NXN: variants seen among roughly 807,000 people sequenced by gnomAD.
The protein encoded by NXN is nucleoredoxin.
In NXN, 16 loss-of-function variants were observed where a neutral mutation model predicts 48.6. The observed-to-expected ratio is 0.33, with a 90% CI of 0.22 to 0.50. The LOEUF (loss-of-function observed/expected upper bound fraction) is 0.50. Among genes scored for constraint, NXN ranks in the 20% least tolerant of loss-of-function variants. The pLI, the probability that NXN is intolerant of heterozygous loss-of-function variation, is 0.98. For synonymous variants in NXN, 281 were observed against 269.6 expected (o/e 1.04, Z -0.41); for missense variants, 492 against 605.5 (o/e 0.81, Z 1.97).
At chr17:953,071 C>G (rs2069130554) in intron 1 of NXN, among the ~76,000 whole-genome samples, 1 of 152,142 alleles carries the variant, frequency 6.6e-6, no homozygotes. Context: ...GTGAGGGGCT[C>G]AGTCCACAGA....
intron 1 of NXN, among the ~76,000 whole-genome samples, chr17:939,079 C>A (rs574307943): frequency 5.3e-5 from 8 of 151,788 alleles, no homozygotes; most frequent in Admixed American, 2.0e-4. Context: ...AAGAAAAGAA[C>A]AAATGAAAGG....
At chr17:891,498 C>G (rs1357092101) in intron 1 of NXN, among the ~76,000 whole-genome samples, 2 of 152,224 alleles carry the variant, frequency 1.3e-5, no homozygotes, top group African/African-American at 4.8e-5. Flanking sequence ...CCAGAGAACA[C>G]TGAGGATATC....
chr17:879,702 G>A (rs2068263072), intron 1 of NXN, among the ~76,000 whole-genome samples: 1 of 152,164 alleles, frequency 6.6e-6, no homozygotes, highest in Admixed American at 6.5e-5. Context: ...GGAACCCGCT[G>A]GGGTTTGGCG....
At chr17:843,330 G>A (rs182686525) in intron 1 of NXN, among the ~76,000 whole-genome samples, 15 of 152,352 alleles carry the variant, frequency 9.8e-5, no homozygotes, top group African/African-American at 3.4e-4. Flanking sequence ...TGCCCTCATG[G>A]CTCCGCGAGC....
chr17:837,797 G>A (rs867253405), intron 1 of NXN, among the ~76,000 whole-genome samples: 30 of 152,168 alleles, frequency 2.0e-4, no homozygotes, highest in African/African-American at 1.9e-4. Flanking sequence ...CCGGGGGTCC[G>A]GGCCAGGCTG....
chr17:861,981 C>A (rs1167847570), intron 1 of NXN, among the ~76,000 whole-genome samples: 2 of 152,076 alleles, frequency 1.3e-5, no homozygotes, highest in Admixed American at 6.6e-5. Flanking sequence ...AGGCATGAAC[C>A]ACCATACTTG....
intron 1 of NXN, among the ~76,000 whole-genome samples, chr17:844,692 C>G (rs2144727250): frequency 6.6e-6 from 1 of 152,150 alleles, no homozygotes; most frequent in South Asian, 2.1e-4. Flanking sequence ...TCAAGCGATT[C>G]TCCTGCCTCA....
chr17:816,612 T>A (rs80186192), intron 5 of NXN, among the ~76,000 whole-genome samples: 3,448 of 152,112 alleles, frequency 0.023, 42 homozygotes, highest in Middle Eastern at 0.092. Context: ...GCACTCACAG[T>A]TCAACTGACA....
At position 978,453 on chromosome 17, in the gene NXN, C is replaced by A. The variant is rs2150649549; in HGVS notation, c.360+866G>T. 6.6e-6 allele frequency: 1 copy of A among 152,548 alleles called. No individual in the cohort carries two copies. Among genetic ancestry groups the A allele is most frequent in the Admixed American group, 6.5e-5 (1 of 15,312 alleles). 9.4% of individuals were successfully genotyped at this position (152,548 alleles called of 1,614,324 possible). ...TCCATTTCCCCAAATCCTCCTTCTT[C>A]CAGTCAATGTGCATCGATGGGGTCA... On this transcript the variant is annotated intron_variant, in intron 1 of 7. Transcript: ENST00000336868. The surrounding 1 kb of genome is among the most constrained non-coding windows in gnomAD (Gnocchi z 4.1).
intron 1 of NXN, among the ~76,000 whole-genome samples, chr17:961,739 A>C (rs1036388764): frequency 3.3e-5 from 5 of 152,202 alleles, no homozygotes; most frequent in African/African-American, 4.8e-5. Flanking sequence ...TATTTAATTA[A>C]CATTCCCATA....
intron 1 of NXN, among the ~76,000 whole-genome samples, chr17:907,028 G>A (rs895744261): frequency 4.6e-5 from 7 of 150,762 alleles, no homozygotes; most frequent in African/African-American, 1.2e-4. Context: ...CAAAAACAGC[G>A]AGAAACACAC....
At chr17:936,741 T>G (rs1832143986) in intron 1 of NXN, among the ~76,000 whole-genome samples, 1 of 149,522 alleles carries the variant, frequency 6.7e-6, no homozygotes, top group Non-Finnish European at 1.5e-5. Context: ...ATAACGGATT[T>G]CTTTTCTAAC....
chr17:812,854 G>A (rs111210201), intron 5 of NXN, among the ~76,000 whole-genome samples: 56 of 135,696 alleles, frequency 4.1e-4, no homozygotes, highest in African/African-American at 1.4e-3. Context: ...GTGTGTGCAT[G>A]TGTGTAGGTG....
At chr17:977,454 A>G (rs2069474939) in intron 1 of NXN, among the ~76,000 whole-genome samples, 1 of 152,234 alleles carries the variant, frequency 6.6e-6, no homozygotes, top group African/African-American at 2.4e-5. Context: ...TGTCCAGGGT[A>G]TAGAGAGCCA....
At chr17:823,899 A>G in intron 2 of NXN, 134 bp from the exon 3 acceptor site, 1 of 763,650 alleles carries the variant, frequency 1.3e-6, no homozygotes, top group Non-Finnish European at 2.1e-6. Context: ...AGGCGTGACA[A>G]GATAATCATC....
chr17:919,351 GACTC>G lies in NXN; in HGVS notation c.360+59964_360+59967del, dbSNP rs2068722107. ...GTACTCCAGCCTGGTGACAGAGTGA[GACTC>G]TGTCTCAAAACAAAACAAAAAAAAG... On this transcript the variant is annotated intron_variant, in intron 1 of 7. Transcript: ENST00000336868. This position sits in a 1 kb window ranked among gnomAD's most constrained non-coding sequence, Gnocchi z 5.1. Among the ~76,000 whole-genome samples, 1 of 149,902 alleles carries G rather than the reference GACTC, an allele frequency of 6.7e-6. No homozygotes were observed. Among genetic ancestry groups the G allele is most frequent in the Admixed American group, 6.7e-5 (1 of 14,854 alleles).
rs186810061 is a variant in NXN, at chr17:870,070, G to A, written c.361-43992C>T. ...GGGTGGAGTGTTACTGACACAGTAG[G>A]TAGAAGCCAGGATGCTGTCCACGTT... On this transcript the variant is annotated intron_variant, in intron 1 of 7. Transcript: ENST00000336868. Among the ~76,000 whole-genome samples the A allele has an allele frequency of 1.2e-3, 180 of 152,228 alleles. 2 individuals are homozygous for A. Among genetic ancestry groups the A allele is most frequent in the East Asian group, 5.8e-3 (30 of 5,180 alleles).
chr17:822,018 C>T lies in NXN; in HGVS notation c.713+339G>A, dbSNP rs1912845677. 1.3e-5 allele frequency among the ~76,000 whole-genome samples: 2 copies of T among 152,088 alleles called. 1 individual carries two copies. Among genetic ancestry groups the T allele is most frequent in the South Asian group, 4.1e-4 (2 of 4,822 alleles). On this transcript the variant is annotated intron_variant, in intron 4 of 7. Transcript: ENST00000336868. ...AAATGTGGCTGGGTGCGGTGGCTCA[C>T]ACCTGTAATCCCAGCACTCTGGAAG... is the stretch of plus-strand genomic sequence containing the variant.
chr17:824,837 G>C (rs1913009339), intron 2 of NXN, among the ~76,000 whole-genome samples: 1 of 152,190 alleles, frequency 6.6e-6, no homozygotes, highest in Non-Finnish European at 1.5e-5. Flanking sequence ...AAAGTCGCTT[G>C]GGGGCTGGGA....
Sources: gnomAD v4.1 joint callset for allele counts (sites outside exome capture counted in the v4.1 genomes callset) on GRCh38, gnomAD v4.1.1 for gene constraint, Gnocchi (gnomAD v3.1) non-coding constraint, MANE v1.5 for transcripts, NCBI Gene and HGNC (gene_info 2026-07-23, HGNC 2026-07-21) for gene names.